PIK3CB: variants seen among roughly 807,000 people sequenced by gnomAD.
The protein encoded by PIK3CB is phosphatidylinositol-4,5-bisphosphate 3-kinase catalytic subunit beta.
PIK3CB carries 39 observed loss-of-function variants against 136.8 expected under a neutral mutation model. That is an observed-to-expected ratio of 0.29 (90% CI 0.22 to 0.37). The LOEUF (loss-of-function observed/expected upper bound fraction) is 0.37, where lower values mean the gene tolerates loss of function less well. PIK3CB is among the 10% of genes least tolerant of loss of function. PIK3CB has a pLI of 1.00. For synonymous variants in PIK3CB, 428 were observed against 436.6 expected (o/e 0.98, Z 0.25); for missense variants, 868 against 1,275.4 (o/e 0.68, Z 4.87).
chr3:138,733,128 G>A (rs1179771966), intron 8 of PIK3CB, among the ~76,000 whole-genome samples: 4 of 150,838 alleles, frequency 2.7e-5, no homozygotes, highest in Non-Finnish European at 4.4e-5. Context: ...GAAAAATAAT[G>A]TCAATCTTTC....
chr3:138,817,850 G>A (rs1178178570), intron 1 of PIK3CB, among the ~76,000 whole-genome samples: 1 of 152,168 alleles, frequency 6.6e-6, no homozygotes, highest in Non-Finnish European at 1.5e-5. Context: ...GTCACCAGAG[G>A]CTGAAGTGGG....
At chr3:138,777,257 G>A (rs1468464008) in intron 2 of PIK3CB, among the ~76,000 whole-genome samples, 2 of 152,144 alleles carry the variant, frequency 1.3e-5, no homozygotes, top group Non-Finnish European at 2.9e-5. Flanking sequence ...CTTGAATATG[G>A]CTTCAGTGAT....
chr3:138,680,271 T>C (rs1254978871), intron 19 of PIK3CB, among the ~76,000 whole-genome samples: 1 of 151,282 alleles, frequency 6.6e-6, no homozygotes, highest in East Asian at 2.0e-4. Flanking sequence ...GGCAGGAGAA[T>C]CACTTGAACT....
intron 1 of PIK3CB, among the ~76,000 whole-genome samples, chr3:138,818,716 G>A (rs1217110391): frequency 6.6e-6 from 1 of 152,090 alleles, no homozygotes; most frequent in South Asian, 2.1e-4. Flanking sequence ...TCCTGCTAAA[G>A]AGCCTTCCCA....
chr3:138,788,430 G>A (rs995751824), intron 2 of PIK3CB, among the ~76,000 whole-genome samples: 1 of 151,442 alleles, frequency 6.6e-6, no homozygotes, highest in Non-Finnish European at 1.5e-5. Context: ...ACCGAGGCGG[G>A]CAGATCACCT....
chr3:138,734,412 A>G (rs549308783), intron 7 of PIK3CB, among the ~76,000 whole-genome samples: 11 of 152,242 alleles, frequency 7.2e-5, no homozygotes, highest in Non-Finnish European at 1.5e-4. Flanking sequence ...GCAGAAAAAG[A>G]CATCAAAAAT....
intron 2 of PIK3CB, among the ~76,000 whole-genome samples, chr3:138,780,282 G>GT (rs1348624656): frequency 2.0e-5 from 3 of 147,804 alleles, no homozygotes; most frequent in Non-Finnish European, 4.5e-5. Flanking sequence ...TGTTTTTTTT[G>GT]TTTTTTTGAG....
At chr3:138,783,772 A>T (rs2045945579) in intron 2 of PIK3CB, among the ~76,000 whole-genome samples, 1 of 152,220 alleles carries the variant, frequency 6.6e-6, no homozygotes, top group South Asian at 2.1e-4. Context: ...CAAAAGAACA[A>T]GAGATTCAAT....
chr3:138,815,439 A>AG (rs1471414124), intron 1 of PIK3CB, among the ~76,000 whole-genome samples: 2 of 149,670 alleles, frequency 1.3e-5, no homozygotes, highest in East Asian at 1.9e-4. Flanking sequence ...AGAAAAAAAA[A>AG]AAGAAGAAAG....
intron 1 of PIK3CB, among the ~76,000 whole-genome samples, chr3:138,803,311 A>C (rs2108846983): frequency 6.6e-6 from 1 of 152,330 alleles, no homozygotes; most frequent in South Asian, 2.1e-4. Context: ...TCACCTTATG[A>C]AACTTATGTA....
At chr3:138,705,706 A>G (rs1370582322) in intron 11 of PIK3CB, among the ~76,000 whole-genome samples, 1 of 152,216 alleles carries the variant, frequency 6.6e-6, no homozygotes, top group Non-Finnish European at 1.5e-5. Flanking sequence ...GGTAGTTTGT[A>G]CTCAAGCGGA....
At chr3:138,764,968 A>T (rs943450466) in intron 2 of PIK3CB, among the ~76,000 whole-genome samples, 2 of 152,200 alleles carry the variant, frequency 1.3e-5, no homozygotes, top group Non-Finnish European at 2.9e-5. Flanking sequence ...CCTGGCACAT[A>T]TTAGCCTCTC....
At chr3:138,697,549 T>C (rs1305251544) in intron 13 of PIK3CB, among the ~76,000 whole-genome samples, 1 of 152,026 alleles carries the variant, frequency 6.6e-6, no homozygotes, top group African/African-American at 2.4e-5. Flanking sequence ...GATCCTCCTG[T>C]CCCAACCTCC....
intron 19 of PIK3CB, among the ~76,000 whole-genome samples, chr3:138,681,699 T>C (rs115258686): frequency 0.016 from 2,382 of 152,296 alleles, 27 homozygotes; most frequent in Non-Finnish European, 0.023. Context: ...ACACCATAGG[T>C]TGGAATGTAA....
At chr3:138,807,120 T>C (rs1259639414) in intron 1 of PIK3CB, among the ~76,000 whole-genome samples, 1 of 152,184 alleles carries the variant, frequency 6.6e-6, no homozygotes, top group African/African-American at 2.4e-5. Context: ...GAACCAAATG[T>C]TTCAAAGTCA....
intron 1 of PIK3CB, among the ~76,000 whole-genome samples, chr3:138,828,456 A>G (rs1003960730): frequency 1.3e-5 from 2 of 151,982 alleles, no homozygotes; most frequent in Non-Finnish European, 2.9e-5. Flanking sequence ...AAATGCTGGG[A>G]TTACAGGCGT....
chr3:138,658,946 C>T (rs1011935370), intron 21 of PIK3CB, among the ~76,000 whole-genome samples: 2 of 152,200 alleles, frequency 1.3e-5, no homozygotes, highest in East Asian at 1.9e-4. Context: ...GGTTGTTCTC[C>T]GGTGTTGCTG....
chr3:138,832,454 G>T (rs1393414052), intron 1 of PIK3CB, among the ~76,000 whole-genome samples: 1 of 152,068 alleles, frequency 6.6e-6, no homozygotes, highest in African/African-American at 2.4e-5. Flanking sequence ...CATTTTGGGA[G>T]GCCCAGGCTG....
At chr3:138,788,727 C>T (rs554572337) in intron 2 of PIK3CB, among the ~76,000 whole-genome samples, 1 of 149,180 alleles carries the variant, frequency 6.7e-6, no homozygotes, top group African/African-American at 2.5e-5. Context: ...CTTTGGGAGG[C>T]CAAGGCGGGC....
Sources: allele counts gnomAD v4.1 joint callset (sites outside exome capture counted in the v4.1 genomes callset), GRCh38; gene constraint gnomAD v4.1.1; transcripts MANE v1.5; gene names NCBI Gene and HGNC (gene_info 2026-07-23, HGNC 2026-07-21).